Variants in PCDH15 observed in about 807,000 individuals in gnomAD.
PCDH15 encodes protocadherin-15.
In PCDH15, 129 loss-of-function variants were observed where a neutral mutation model predicts 178.5. The ratio of observed to expected loss-of-function variants is 0.72; its 90% CI spans 0.63 to 0.84. PCDH15 has a LOEUF of 0.84. PCDH15 is among the 40% of genes least tolerant of loss of function. The pLI is 0.00. For missense variants in PCDH15, 2,230 were observed against 2,099.9 expected (o/e 1.06, Z -1.21); for synonymous variants, 800 against 732.0 (o/e 1.09, Z -1.50).
At chr10:55,171,325 C>T (rs948534172) in intron 1 of PCDH15, among the ~76,000 whole-genome samples, 1 of 152,188 alleles carries the variant, frequency 6.6e-6, no homozygotes, top group African/African-American at 2.4e-5. Flanking sequence ...CTAAATGATG[C>T]ATTCATACAC....
At chr10:54,031,875 G>T (rs2093304614) in intron 18 of PCDH15, among the ~76,000 whole-genome samples, 1 of 152,010 alleles carries the variant, frequency 6.6e-6, no homozygotes, top group African/African-American at 2.4e-5. Flanking sequence ...TACATAGTAA[G>T]GCTGTCTTTT....
At chr10:54,280,568 A>G (rs1420343071) in intron 8 of PCDH15, among the ~76,000 whole-genome samples, 1 of 151,760 alleles carries the variant, frequency 6.6e-6, no homozygotes, top group Non-Finnish European at 1.5e-5. Flanking sequence ...CTCCTGACCC[A>G]CTGTCTTTGT....
chr10:54,056,973 A>G (rs1325094196), intron 18 of PCDH15, among the ~76,000 whole-genome samples: 1 of 152,176 alleles, frequency 6.6e-6, no homozygotes, highest in Non-Finnish European at 1.5e-5. Flanking sequence ...CAAATCATGA[A>G]GCTCCAAAAT....
intron 2 of PCDH15, among the ~76,000 whole-genome samples, chr10:55,566,551 A>C (rs1842306297): frequency 6.6e-6 from 1 of 151,890 alleles, no homozygotes; most frequent in Admixed American, 6.6e-5. Context: ...ATATAATCTT[A>C]TTTATAGAAA....
At chr10:54,311,164 CA>C in intron 8 of PCDH15, among the ~76,000 whole-genome samples, 1 of 152,014 alleles carries the variant, frequency 6.6e-6, no homozygotes, top group South Asian at 2.1e-4. Flanking sequence ...TGGTTTTAAA[CA>C]GGGGGAGAGA....
At chr10:54,942,863 C>T (rs1366501463) in intron 2 of PCDH15, among the ~76,000 whole-genome samples, 1 of 151,998 alleles carries the variant, frequency 6.6e-6, no homozygotes, top group Non-Finnish European at 1.5e-5. Context: ...CAAATGGAAA[C>T]TTTACTCTGT....
At chr10:55,435,658 A>G (rs1221141768) in intron 2 of PCDH15, among the ~76,000 whole-genome samples, 3 of 152,136 alleles carry the variant, frequency 2.0e-5, no homozygotes, top group Non-Finnish European at 4.4e-5. Flanking sequence ...AAAGATGGGA[A>G]AAAAAGTGGA....
intron 14 of PCDH15, among the ~76,000 whole-genome samples, chr10:54,144,043 C>T (rs1191875444): frequency 1.3e-5 from 2 of 150,946 alleles, no homozygotes; most frequent in African/African-American, 4.9e-5. Context: ...GCTTCTTTTG[C>T]AAGTAGATTT....
intron 2 of PCDH15, among the ~76,000 whole-genome samples, chr10:54,971,637 C>A (rs1327957615): frequency 6.6e-6 from 1 of 152,160 alleles, no homozygotes; most frequent in Non-Finnish European, 1.5e-5. Flanking sequence ...CGTATTTTGG[C>A]AAGACACAGA....
chr10:55,322,695 G>C (rs12571553), upstream of PCDH15, among the ~76,000 whole-genome samples: 1 of 151,702 alleles, frequency 6.6e-6, no homozygotes, highest in Non-Finnish European at 1.5e-5. Context: ...AACTTTGAAC[G>C]TGTGAGAGAT....
At chr10:53,894,723 C>T (rs977391851) in intron 26 of PCDH15, among the ~76,000 whole-genome samples, 7 of 152,160 alleles carry the variant, frequency 4.6e-5, no homozygotes, top group Non-Finnish European at 5.9e-5. Flanking sequence ...GGACACTTGA[C>T]ATTGTAACAG....
At chr10:54,878,846 C>G (rs1026221101) in intron 3 of PCDH15, among the ~76,000 whole-genome samples, 9 of 151,984 alleles carry the variant, frequency 5.9e-5, no homozygotes, top group African/African-American at 2.2e-4. Flanking sequence ...CAGCAGGCAC[C>G]AGTGTGTATT....
At chr10:54,466,917 T>C (rs118025684) in intron 3 of PCDH15, among the ~76,000 whole-genome samples, 183 of 152,070 alleles carry the variant, frequency 1.2e-3, no homozygotes, top group Non-Finnish European at 2.3e-3. Context: ...ATTGTAGCTG[T>C]TGTAAATGGG....
At chr10:55,231,920 A>T (rs1039190104) in intron 1 of PCDH15, among the ~76,000 whole-genome samples, 8 of 152,180 alleles carry the variant, frequency 5.3e-5, no homozygotes, top group Non-Finnish European at 7.4e-5. Context: ...AATAAGATTA[A>T]TAATAGGAAG....
intron 2 of PCDH15, among the ~76,000 whole-genome samples, chr10:54,588,346 T>C (rs1238674521): frequency 6.6e-6 from 1 of 152,174 alleles, no homozygotes; most frequent in Non-Finnish European, 1.5e-5. Flanking sequence ...TATTTGTTGG[T>C]CAATTAAAAG....
intron 2 of PCDH15, among the ~76,000 whole-genome samples, chr10:54,901,662 TG>T (rs773292825): frequency 6.6e-6 from 1 of 152,178 alleles, no homozygotes; most frequent in Non-Finnish European, 1.5e-5. Context: ...GATAGTCTCA[TG>T]TAGTCCTTAC....
chr10:54,239,052 A>G (rs1487300930), intron 8 of PCDH15, among the ~76,000 whole-genome samples: 1 of 152,162 alleles, frequency 6.6e-6, no homozygotes, highest in African/African-American at 2.4e-5. Flanking sequence ...AATTTTTGCT[A>G]TTATAAAATA....
At chr10:55,026,092 G>T (rs1005846316) in intron 2 of PCDH15, among the ~76,000 whole-genome samples, 7 of 151,878 alleles carry the variant, frequency 4.6e-5, no homozygotes, top group Non-Finnish European at 7.4e-5. Context: ...TCAATTTCAG[G>T]CTAACAAGGT....
chr10:55,323,077 C>A (rs1843946284), upstream of PCDH15, among the ~76,000 whole-genome samples: 1 of 152,182 alleles, frequency 6.6e-6, no homozygotes, highest in African/African-American at 2.4e-5. Flanking sequence ...GGCTTGAGTT[C>A]AAGCTCAAGT....
Sources: allele counts gnomAD v4.1 joint callset (sites outside exome capture counted in the v4.1 genomes callset), GRCh38; gene constraint gnomAD v4.1.1; transcripts MANE v1.5; gene names NCBI Gene and HGNC (gene_info 2026-07-23, HGNC 2026-07-21).